Variants in STK38 observed in about 807,000 individuals in gnomAD.
The protein encoded by STK38 is serine/threonine kinase 38.
STK38 carries 26 observed loss-of-function variants against 59.0 expected under a neutral mutation model. The ratio of observed to expected loss-of-function variants is 0.44; its 90% CI spans 0.32 to 0.61. The LOEUF (loss-of-function observed/expected upper bound fraction) is 0.61, where lower values mean the gene tolerates loss of function less well. STK38 is among the 20% of genes least tolerant of loss of function. The pLI is 0.04. For missense variants in STK38, 433 were observed against 566.0 expected, an observed-to-expected ratio of 0.76 and a Z score of 2.38; for synonymous variants, 175 against 176.6, an observed-to-expected ratio of 0.99 and a Z score of 0.07.
At chr6:36,518,282 T>C (rs1777301381) in intron 5 of STK38, among the ~76,000 whole-genome samples, 2 of 152,226 alleles carry the variant, frequency 1.3e-5, no homozygotes, top group Non-Finnish European at 2.9e-5. Flanking sequence ...AATTCTAGAA[T>C]GCTATGATAC....
At chr6:36,504,315 C>G (rs192749149) in intron 9 of STK38, among the ~76,000 whole-genome samples, 11 of 152,196 alleles carry the variant, frequency 7.2e-5, no homozygotes, top group Admixed American at 2.6e-4. Context: ...TTTAAGCAGC[C>G]GAGGAATGAA....
At chr6:36,525,860 T>C (rs1230604710) in intron 2 of STK38, among the ~76,000 whole-genome samples, 2 of 151,932 alleles carry the variant, frequency 1.3e-5, no homozygotes, top group South Asian at 2.1e-4. Context: ...GGGGGGCAGG[T>C]TGCGAGGAGA....
intron 8 of STK38, 73 bp from the exon 9 acceptor site, chr6:36,506,717 T>A: frequency 7.4e-7 from 1 of 1,358,884 alleles, no homozygotes; most frequent in Non-Finnish European, 1.0e-6. Flanking sequence ...GTAGGCTCTT[T>A]CAAGTCACAT....
At position 36,519,240 on chromosome 6, in the gene STK38, G is replaced by A. The variant is rs148960744; in HGVS notation, c.391-1400C>T. 3.7e-4 allele frequency among the ~76,000 whole-genome samples: 56 copies of A among 152,258 alleles called. No individual in the cohort carries two copies. The East Asian group carries it at 9.7e-3, about 26-fold the overall frequency. The stretch of plus-strand genomic sequence containing the variant: ...GGGTGGGAAAAAATGGACAATAAGG[G>A]TGAAAAGAAACAGTGCTATGAAACA... On this transcript the variant is annotated intron_variant, in intron 5 of 13. Coordinates refer to ENST00000229812, the MANE Select transcript of STK38 (RefSeq NM_007271.4).
chr6:36,530,692 T>G lies in STK38; in HGVS notation c.132-5050A>C, dbSNP rs1777646562. On this transcript the variant is annotated intron_variant, in intron 2 of 13. Transcript: ENST00000229812. ...TTTTTCCTTTTTTTCTTTTCTTTTC[T>G]TTTTTTTTTTTTTTGGAGACAAGAG... 3.3e-5 allele frequency among the ~76,000 whole-genome samples: 4 copies of G among 120,516 alleles called. No homozygotes were observed. The South Asian group carries it at 1.0e-3, about 30-fold the overall frequency. The allele number at this position is 120,516 out of a possible 152,430, so 79.1% of individuals were successfully genotyped here.
intron 2 of STK38, among the ~76,000 whole-genome samples, chr6:36,532,732 C>G (rs538895314): frequency 5.0e-4 from 76 of 152,112 alleles, no homozygotes; most frequent in Middle Eastern, 3.4e-3. Context: ...AACCCCGCTT[C>G]TACTAAAAAT....
chr6:36,518,550 C>A (rs1777308883), intron 5 of STK38, among the ~76,000 whole-genome samples: 2 of 152,098 alleles, frequency 1.3e-5, no homozygotes, highest in East Asian at 1.9e-4. Context: ...TTATCAAATC[C>A]CCCCCACACA....
intron 2 of STK38, among the ~76,000 whole-genome samples, chr6:36,537,197 T>C (rs1163171674): frequency 2.6e-5 from 4 of 152,054 alleles, no homozygotes; most frequent in Non-Finnish European, 5.9e-5. Context: ...ATCAGGGAAA[T>C]GCAAAATAAA....
At chr6:36,536,152 T>C (rs1278001957) in intron 2 of STK38, among the ~76,000 whole-genome samples, 1 of 152,172 alleles carries the variant, frequency 6.6e-6, no homozygotes, top group Non-Finnish European at 1.5e-5. Flanking sequence ...TATATGTCAC[T>C]TGATTTTCAA....
intron 3 of STK38, 68 bp from the exon 4 acceptor site, chr6:36,524,531 T>A: frequency 1.3e-6 from 2 of 1,485,490 alleles, no homozygotes; most frequent in Non-Finnish European, 9.0e-7. Flanking sequence ...TAACAAGTCA[T>A]GTTTGTGACT....
At chr6:36,536,542 A>AT (rs1375897734) in intron 2 of STK38, among the ~76,000 whole-genome samples, 2 of 151,640 alleles carry the variant, frequency 1.3e-5, no homozygotes, top group South Asian at 2.1e-4. Flanking sequence ...TTTTAATTTT[A>AT]TTTTTTTTGA....
chr6:36,544,360 G>C (rs1195063140), intron 1 of STK38, among the ~76,000 whole-genome samples: 1 of 151,824 alleles, frequency 6.6e-6, no homozygotes, highest in African/African-American at 2.4e-5. Context: ...AAAAACCTCT[G>C]TTTGGTTTGT....
chr6:36,525,514 C>T, intron 3 of STK38, 77 bp downstream of exon 3: 3 of 1,380,352 alleles, frequency 2.2e-6, no homozygotes, highest in Non-Finnish European at 3.1e-6. Flanking sequence ...CTCATGTGTA[C>T]CAAGGCTAAC....
rs964246533 is a variant in STK38, at chr6:36,495,533, T to C, written c.*251A>G. On this transcript the variant is annotated 3_prime_UTR_variant, in exon 14 of 14. Coordinates refer to ENST00000229812, the MANE Select transcript of STK38 (RefSeq NM_007271.4). ...AGTTATTTTTAAAACACCTATCAAA[T>C]TGGCTCATGATGCTTCTCTTCCAAA... 11 of 372,238 alleles carry C rather than the reference T, an allele frequency of 3.0e-5. No individual in the cohort carries two copies. The highest frequency in any genetic ancestry group is 1.9e-4 in the South Asian group (5 of 26,836). The allele number at this position is 372,238 out of a possible 1,614,324, so 23.1% of individuals were successfully genotyped here.
intron 5 of STK38, among the ~76,000 whole-genome samples, chr6:36,519,221 G>GA (rs1470520328): frequency 1.3e-5 from 2 of 151,972 alleles, no homozygotes; most frequent in South Asian, 2.1e-4. Flanking sequence ...ATTGGGGTGG[G>GA]AAAAAATGGA....
chr6:36,503,315 G>A (rs1371972668), intron 9 of STK38, among the ~76,000 whole-genome samples: 1 of 151,866 alleles, frequency 6.6e-6, no homozygotes, highest in East Asian at 1.9e-4. Context: ...TTACTCTGAG[G>A]TCATAAAGAT....
intron 5 of STK38, among the ~76,000 whole-genome samples, chr6:36,520,786 T>C (rs1777360288): frequency 6.6e-6 from 1 of 152,088 alleles, no homozygotes; most frequent in Non-Finnish European, 1.5e-5. Context: ...ACATGAAAAT[T>C]TGAGAGAAAA....
intron 1 of STK38, among the ~76,000 whole-genome samples, chr6:36,540,425 A>G (rs370387334): frequency 1.1e-4 from 16 of 152,344 alleles, no homozygotes; most frequent in African/African-American, 3.8e-4. Flanking sequence ...TAAAGACTAA[A>G]GAAACCGTCA....
At chr6:36,538,606 G>A (rs1380951345) in intron 2 of STK38, among the ~76,000 whole-genome samples, 1 of 151,942 alleles carries the variant, frequency 6.6e-6, no homozygotes, top group Non-Finnish European at 1.5e-5. Context: ...TTGAAGTGAG[G>A]CAAAAAATTA....
Sources: allele counts gnomAD v4.1 joint callset (sites outside exome capture counted in the v4.1 genomes callset), GRCh38; gene constraint gnomAD v4.1.1; transcripts MANE v1.5; gene names NCBI Gene and HGNC (gene_info 2026-07-23, HGNC 2026-07-21).